The following DISP3 variants were observed in gnomAD, a reference collection of about 807,000 sequenced individuals.
DISP3 encodes protein dispatched homolog 3.
A neutral mutation model predicts 135.3 loss-of-function variants in DISP3; 101 were observed. That is an observed-to-expected ratio of 0.75 (90% CI 0.64 to 0.88). DISP3 has a LOEUF of 0.88. Among genes scored for constraint, DISP3 ranks in the 40% least tolerant of loss-of-function variants. The pLI is 0.00. For synonymous variants in DISP3, 856 were observed against 817.0 expected, an observed-to-expected ratio of 1.05 and a Z score of -0.81; for missense variants, 1,713 against 1,878.6, an observed-to-expected ratio of 0.91 and a Z score of 1.63.
At chr1:11,534,931 G>A in intron 18 of DISP3, 80 bp from the exon 19 acceptor site, 2 of 1,252,532 alleles carry the variant, frequency 1.6e-6, no homozygotes, top group Non-Finnish European at 2.3e-6. Context: ...GTCTCAGAGA[G>A]GTCAAGGGCT....
rs575306269 is a variant in DISP3, at chr1:11,511,377, A to T, written c.1317-3013A>T. Reference sequence around the variant, plus strand: ...TACAATGGGGGTACTGGTATTCGTTAAATACAACCATTCCAAATGGGAGAA... The same window carrying T: ...TACAATGGGGGTACTGGTATTCGTTTAATACAACCATTCCAAATGGGAGAA... On this transcript the variant is annotated intron_variant, in intron 3 of 20. Coordinates refer to ENST00000294484, the MANE Select transcript of DISP3 (RefSeq NM_020780.2). 4.6e-5 allele frequency among the ~76,000 whole-genome samples: 7 copies of T among 152,346 alleles called. No homozygotes were observed. The South Asian group carries it at 1.4e-3, about 32-fold the overall frequency.
intron 1 of DISP3, among the ~76,000 whole-genome samples, chr1:11,490,997 A>G (rs1354861034): frequency 1.3e-5 from 2 of 152,142 alleles, no homozygotes; most frequent in Non-Finnish European, 2.9e-5. Flanking sequence ...AAGAAGAGCT[A>G]TTTGGCAGAT....
In DISP3 at chr1:11,520,945, G is replaced by T; in HGVS notation, c.2362+97G>T. On this transcript the variant is annotated intron_variant, in intron 10 of 20. Coordinates refer to ENST00000294484, the MANE Select transcript of DISP3 (RefSeq NM_020780.2). This position sits in a 1 kb window ranked among gnomAD's most constrained non-coding sequence, Gnocchi z 4.8. ...TGCAGGATCCAGGGTCCCCATCAAT[G>T]CCAGACCTCAGGCAAATCCCACTCC... 1 of 1,375,418 alleles carries T rather than the reference G, an allele frequency of 7.3e-7. No individual in the cohort carries two copies. Among genetic ancestry groups the T allele is most frequent in the Non-Finnish European group, 9.7e-7 (1 of 1,027,592 alleles). The allele number at this position is 1,375,418 out of a possible 1,614,324, so 85.2% of individuals were successfully genotyped here. A position where few individuals can be genotyped will look rare whatever the true frequency, so the allele number is the denominator to read the frequency against.
intron 3 of DISP3, among the ~76,000 whole-genome samples, chr1:11,513,530 C>G (rs937060587): frequency 6.8e-6 from 1 of 147,730 alleles, no homozygotes; most frequent in Non-Finnish European, 1.5e-5. Context: ...TCCTATGTGT[C>G]TTTTTCTCAG....
chr1:11,489,361 G>A (rs1160766163), intron 1 of DISP3, among the ~76,000 whole-genome samples: 1 of 152,248 alleles, frequency 6.6e-6, no homozygotes, highest in Non-Finnish European at 1.5e-5. Context: ...AGGAGGGATT[G>A]CAGTCTCCCA....
chr1:11,535,274 G>T (rs2235660), intron 19 of DISP3, 150 bp downstream of exon 19: 1 of 1,020,258 alleles, frequency 9.8e-7, no homozygotes, highest in Non-Finnish European at 1.4e-6. Context: ...GCATGTCTGT[G>T]CTCCTGAGCA....
At position 11,514,528 on chromosome 1, in the gene DISP3, T is replaced by C; in HGVS notation, c.1453+2T>C. The C allele has an allele frequency of 3.1e-6, 5 of 1,613,014 alleles. No homozygotes were observed. The highest frequency in any genetic ancestry group is 4.2e-6 in the Non-Finnish European group (5 of 1,179,270). On this transcript the variant is annotated splice_donor_variant, in intron 4 of 20. Coordinates refer to ENST00000294484, the MANE Select transcript of DISP3 (RefSeq NM_020780.2). LOFTEE classifies it high-confidence loss of function. The stretch of plus-strand genomic sequence containing the variant: ...TCTACATCCTCACCTCCTGCTCAGG[T>C]AGGGCTTCTCTCAAGCCAGCCCCCT...
rs749744612 is a variant in DISP3, at chr1:11,535,097, C to G, written c.3622C>G (p.Leu1208Val). Residue 1208 changes from leucine (L) to valine (V), a missense_variant, in exon 19 of 21, where the codon CTG becomes GTG. Transcript: ENST00000294484. ...VAVFTTHILL[L>V]LPVLLSILGI... The stretch of plus-strand genomic sequence containing the variant: ...CGTGTTCACCACCCACATCCTGCTC[C>G]TGCTGCCCGTGCTCCTCAGCATCTT... The G allele has an allele frequency of 6.2e-7, 1 of 1,608,684 alleles. No homozygotes were observed. The highest frequency in any genetic ancestry group is 1.1e-5 in the South Asian group (1 of 89,808).
intron 12 of DISP3, among the ~76,000 whole-genome samples, chr1:11,526,380 CAG>C (rs1642419513): frequency 6.6e-6 from 1 of 152,252 alleles, no homozygotes; most frequent in Non-Finnish European, 1.5e-5. Context: ...CCGTGCCCCT[CAG>C]AGCCTGGCAC....
Position 11,519,425 on chromosome 1 carries a change from G to A in DISP3, c.1960G>A (p.Val654Ile). 1 of 1,613,848 alleles carries A rather than the reference G, an allele frequency of 6.2e-7. No individual in the cohort carries two copies. The highest frequency in any genetic ancestry group is 8.5e-7 in the Non-Finnish European group (1 of 1,180,012). The part of the protein sequence containing the change: ...PGDVFAAPEQ[V>I]GGSPAQGPIP... ...AGACGTGTTTGCCGCTCCCGAGCAGGTTGGAGGCAGCCCTGCCCAGGGCCC... is the reference window on the plus strand; with the variant it reads ...AGACGTGTTTGCCGCTCCCGAGCAGATTGGAGGCAGCCCTGCCCAGGGCCC... Residue 654 changes from valine (V) to isoleucine (I), a missense_variant, in exon 8 of 21, where the codon GTT (valine) becomes ATT (isoleucine). Coordinates refer to ENST00000294484, the MANE Select transcript of DISP3 (RefSeq NM_020780.2). This position sits in a 1 kb window ranked among gnomAD's most constrained non-coding sequence, Gnocchi z 4.3.
chr1:11,492,561 C>T (rs1158606318), intron 1 of DISP3, among the ~76,000 whole-genome samples: 3 of 152,128 alleles, frequency 2.0e-5, no homozygotes, highest in African/African-American at 7.2e-5. Flanking sequence ...CCTCTCCCCA[C>T]CCCCACCTGG....
In DISP3 at chr1:11,529,756, T is replaced by C. The variant is rs761681493; in HGVS notation, c.2930-31T>C. ...CGGGGCTCAGGAGCTGGACCCTGCC[T>C]TCCCTTACAGCTGTGACTCCCTGTT... On this transcript the variant is annotated intron_variant, in intron 14 of 20. Transcript: ENST00000294484. The surrounding 1 kb of genome is among the most constrained non-coding windows in gnomAD (Gnocchi z 4.7). 1 of 1,604,638 alleles carries C rather than the reference T, an allele frequency of 6.2e-7. No homozygotes were observed. Among genetic ancestry groups the C allele is most frequent in the Non-Finnish European group, 8.5e-7 (1 of 1,173,074 alleles).
chr1:11,525,390 C>G, intron 12 of DISP3, 78 bp downstream of exon 12: 1 of 1,499,030 alleles, frequency 6.7e-7, no homozygotes, highest in Non-Finnish European at 8.9e-7. Context: ...TGGTGGGCAG[C>G]CCTGGCCAAT....
rs769076697 is a variant in DISP3 at position 11,524,022 on chromosome 1, C to T, written c.2443C>T (p.Pro815Ser). ...LEKKRRGSGV[P>S]WASRPEATLQ... ...GAAGAAGAGGCGAGGCTCAGGGGTC[C>T]CCTGGGCTAGCCGGCCTGAGGCCAC... Residue 815 changes from proline to serine, a missense_variant, in exon 11 of 21, where the codon CCC becomes TCC. Physicochemically the swap from Pro to Ser is moderately conservative, Grantham distance 74. This residue lies in a region of DISP3 where 1,142 missense variants were observed against 1,384.6 expected (regional missense o/e 0.82). Coordinates refer to ENST00000294484, the MANE Select transcript of DISP3 (RefSeq NM_020780.2). 6 of 1,613,458 alleles carry T rather than the reference C, an allele frequency of 3.7e-6. No individual in the cohort carries two copies. The highest frequency in any genetic ancestry group is 5.1e-6 in the Non-Finnish European group (6 of 1,179,824).
chr1:11,525,245 T>A lies in DISP3; in HGVS notation c.2546T>A (p.Leu849His), dbSNP rs1454904290. 6.2e-7 allele frequency: 1 copy of A among 1,614,088 alleles called. No individual in the cohort carries two copies. Among genetic ancestry groups the A allele is most frequent in the African/African-American group, 1.3e-5 (1 of 75,046 alleles). ...QGHPAVYRLS[L>H]NASLPAPWQA... Reference sequence around the variant, plus strand: ...CACCCCGCTGTCTACAGGCTCTCCCTCAATGCCAGCCTGCCTGCTCCTTGG... The same window carrying A: ...CACCCCGCTGTCTACAGGCTCTCCCACAATGCCAGCCTGCCTGCTCCTTGG... The change falls in exon 12 of 21, where the codon CTC becomes CAC. Residue 849 changes from leucine to histidine, a missense_variant. Physicochemically the swap from Leu to His is moderately conservative, Grantham distance 99. Coordinates refer to ENST00000294484, the MANE Select transcript of DISP3 (RefSeq NM_020780.2).
intron 3 of DISP3, among the ~76,000 whole-genome samples, chr1:11,513,627 T>A (rs1316903502): frequency 6.6e-6 from 1 of 152,222 alleles, no homozygotes; most frequent in Non-Finnish European, 1.5e-5. Flanking sequence ...TGGGGCTTCA[T>A]TGCTGAAGCT....
rs777233192 is a variant in DISP3 at position 11,520,854 on chromosome 1, G to GA, written c.2362+6_2362+7insA. 6.3e-7 allele frequency: 1 copy of GA among 1,591,752 alleles called. No individual in the cohort carries two copies. The highest frequency in any genetic ancestry group is 2.3e-5 in the East Asian group (1 of 43,804). ...CTCCTGCATCACCTGTTCAGGTGAG[G>GA]CTTCTAGCCAGGCTGTCCCTGGCCC... On this transcript the variant is annotated splice_region_variant and intron_variant, in intron 10 of 20. Coordinates refer to ENST00000294484, the MANE Select transcript of DISP3 (RefSeq NM_020780.2). The surrounding 1 kb of genome is among the most constrained non-coding windows in gnomAD (Gnocchi z 4.8).
rs1300154320 is a variant in DISP3 at position 11,501,761 on chromosome 1, G to C, written c.769G>C (p.Asp257His). 6.3e-7 allele frequency: 1 copy of C among 1,593,226 alleles called. No individual in the cohort carries two copies. The highest frequency in any genetic ancestry group is 1.7e-5 in the Admixed American group (1 of 58,356). ...TGCCCGCCGAGGCGCCTCGCGCTGGGACTACTCGCGCGCCTATGTGAGTGC... is the reference window on the plus strand; with the variant it reads ...TGCCCGCCGAGGCGCCTCGCGCTGGCACTACTCGCGCGCCTATGTGAGTGC... ...SRARRGASRW[D>H]YSRAYVSANT... is the part of the protein sequence containing the mutation. Residue 257 changes from aspartate to histidine, a missense_variant, in exon 2 of 21, where the codon GAC (aspartate) becomes CAC (histidine). Asp to His is a moderately conservative substitution (Grantham distance 81, BLOSUM62 -1). Around this residue, in one of 2 missense-constraint regions of DISP3, gnomAD observed 571 missense variants for 494.1 expected, o/e 1.16. Transcript: ENST00000294484. This position sits in a 1 kb window ranked among gnomAD's most constrained non-coding sequence, Gnocchi z 4.9.
rs780295187 is a variant in DISP3 at position 11,501,362 on chromosome 1, C to G, written c.370C>G (p.Leu124Val). The change falls in exon 2 of 21, where the codon CTG (leucine) becomes GTG (valine). Residue 124 changes from leucine (L) to valine (V), a missense_variant. By Grantham distance (32) the Leu-to-Val change is conservative. Around this residue, in one of 2 missense-constraint regions of DISP3, gnomAD observed 571 missense variants for 494.1 expected, o/e 1.16. Transcript: ENST00000294484. This position sits in a 1 kb window ranked among gnomAD's most constrained non-coding sequence, Gnocchi z 4.9. ...CTCACAGCGTTTCGACGCTCTCACTCTGGCGCTTAAGTCCCAGTTTGGATC... is the reference window on the plus strand; with the variant it reads ...CTCACAGCGTTTCGACGCTCTCACTGTGGCGCTTAAGTCCCAGTTTGGATC... ...EASQRFDALTLALKSQFGSWG... is the reference protein window; with the variant it reads ...EASQRFDALTVALKSQFGSWG... 8 of 1,612,010 alleles carry G rather than the reference C, an allele frequency of 5.0e-6. No individual in the cohort carries two copies. The South Asian group carries it at 8.8e-5, about 18-fold the overall frequency.
Sources: allele counts gnomAD v4.1 joint callset (sites outside exome capture counted in the v4.1 genomes callset), GRCh38; gene constraint gnomAD v4.1.1; regional missense constraint gnomAD v4.1.1; non-coding constraint Gnocchi (gnomAD v3.1); transcripts MANE v1.5; gene names NCBI Gene and HGNC (gene_info 2026-07-23, HGNC 2026-07-21).